SFI1: variants seen among roughly 807,000 people sequenced by gnomAD.
SFI1 encodes protein SFI1 homolog.
A neutral mutation model predicts 207.5 loss-of-function variants in SFI1; 195 were observed. The observed-to-expected ratio is 0.94, with a 90% confidence interval of 0.84 to 1.06. The LOEUF is 1.06. Among genes scored for constraint, SFI1 ranks in the 50% least tolerant of loss-of-function variants. The pLI is 0.00. For missense variants in SFI1, 1,634 were observed against 1,588.0 expected (o/e 1.03, Z -0.49); for synonymous variants, 630 against 598.9 (o/e 1.05, Z -0.76).
chr22:31,570,363 C>A (rs565013670), intron 8 of SFI1, among the ~76,000 whole-genome samples: 1 of 152,254 alleles, frequency 6.6e-6, no homozygotes, highest in Admixed American at 6.5e-5. Flanking sequence ...GCAGTTGGAA[C>A]AATGGAGTGC....
chr22:31,603,522 A>G (rs148539317), intron 17 of SFI1, among the ~76,000 whole-genome samples: 122 of 152,330 alleles, frequency 8.0e-4, no homozygotes, highest in African/African-American at 2.9e-3. Context: ...ACACCTGCAC[A>G]TGTGAGCTTC....
chr22:31,517,513 G>T (rs1412342794), intron 2 of SFI1, among the ~76,000 whole-genome samples: 1 of 152,170 alleles, frequency 6.6e-6, no homozygotes, highest in African/African-American at 2.4e-5. Flanking sequence ...CTCCCAAAGT[G>T]CTGGGATTAC....
At chr22:31,594,879 TAGAA>T (rs1249762877) in intron 15 of SFI1, among the ~76,000 whole-genome samples, 11 of 143,372 alleles carry the variant, frequency 7.7e-5, no homozygotes, top group Non-Finnish European at 9.2e-5. Context: ...AAAAAAAAAT[TAGAA>T]AGCTCAAGGA....
intron 8 of SFI1, among the ~76,000 whole-genome samples, chr22:31,564,225 G>A (rs192158534): frequency 0.013 from 1,913 of 151,122 alleles, 40 homozygotes; most frequent in African/African-American, 0.044. Flanking sequence ...TACTCAGGAG[G>A]CTGAGGCAGG....
At chr22:31,559,295 C>T (rs1389287169) in intron 7 of SFI1, among the ~76,000 whole-genome samples, 10 of 151,872 alleles carry the variant, frequency 6.6e-5, no homozygotes, top group Admixed American at 5.9e-4. Context: ...TGATGGTGCA[C>T]GCCTATAATC....
chr22:31,530,511 A>AAAAAAAAAAAAAC (rs1569229057), intron 3 of SFI1: 1 of 329,386 alleles, frequency 3.0e-6, no homozygotes, highest in African/African-American at 2.2e-5. Context: ...AAAAAAAAAA[A>AAAAAAAAAAAAAC]AAGACAAGCC....
chr22:31,568,899 T>A (rs2062675500), intron 8 of SFI1, among the ~76,000 whole-genome samples: 1 of 152,124 alleles, frequency 6.6e-6, no homozygotes, highest in Admixed American at 6.6e-5. Context: ...ATTGAAAACA[T>A]CAAATACATA....
chr22:31,525,423 A>T (rs1388114153), intron 2 of SFI1, among the ~76,000 whole-genome samples: 1 of 152,034 alleles, frequency 6.6e-6, no homozygotes, highest in Non-Finnish European at 1.5e-5. Context: ...ATGTTCTTGG[A>T]GCCTTTGTCA....
intron 3 of SFI1, 130 bp from the exon 4 acceptor site, chr22:31,530,928 A>C: frequency 2.9e-6 from 2 of 680,460 alleles, no homozygotes; most frequent in Non-Finnish European, 5.1e-6. Flanking sequence ...ATTAGCTATG[A>C]TACCGCCTTT....
At chr22:31,613,057 G>GAGGGACGAGCTGGGC (rs1341614437) in intron 24 of SFI1, 85 bp from the exon 25 acceptor site, 2 of 1,455,894 alleles carry the variant, frequency 1.4e-6, no homozygotes, top group African/African-American at 2.8e-5. Context: ...AGGGAGCCAA[G>GAGGGACGAGCTGGGC]AGGGACGAGC....
intron 27 of SFI1, 172 bp from the exon 28 acceptor site, chr22:31,614,617 T>C (rs2071036402): frequency 4.1e-6 from 3 of 737,618 alleles, no homozygotes; most frequent in Non-Finnish European, 7.3e-6. Flanking sequence ...GTACCTTTTG[T>C]CGGAACTGCT....
chr22:31,537,401 T>TA (rs1268239544), intron 4 of SFI1, among the ~76,000 whole-genome samples: 2 of 152,204 alleles, frequency 1.3e-5, no homozygotes, highest in Non-Finnish European at 2.9e-5. Flanking sequence ...AGTGGATACT[T>TA]ACGAGAAAAA....
chr22:31,567,774 A>T (rs2062474629), intron 8 of SFI1, among the ~76,000 whole-genome samples: 1 of 152,226 alleles, frequency 6.6e-6, no homozygotes, highest in Non-Finnish European at 1.5e-5. Flanking sequence ...AAGAGTAAAT[A>T]AAAAAACAAT....
At chr22:31,589,400 A>T (rs779885487) in intron 14 of SFI1, 47 bp from the exon 15 acceptor site, 14 of 766,766 alleles carry the variant, frequency 1.8e-5, no homozygotes, top group South Asian at 1.0e-4. Context: ...GGTCATGTTT[A>T]AAAAAAAAAA....
intron 14 of SFI1, among the ~76,000 whole-genome samples, chr22:31,588,298 TGGCCTTGGG>T (rs2065306623): frequency 6.6e-6 from 1 of 152,234 alleles, no homozygotes; most frequent in African/African-American, 2.4e-5. Flanking sequence ...TACAGCATGG[TGGCCTTGGG>T]GTAGTCAGCT....
chr22:31,544,170 T>TA (rs1569265675), intron 4 of SFI1, among the ~76,000 whole-genome samples: 1 of 152,140 alleles, frequency 6.6e-6, no homozygotes, highest in Admixed American at 6.6e-5. Context: ...GCTTGGGTGA[T>TA]ATAGCAAGAC....
At chr22:31,603,693 T>A in intron 17 of SFI1, 51 bp from the exon 18 acceptor site, 1 of 1,397,738 alleles carries the variant, frequency 7.2e-7, no homozygotes, top group Non-Finnish European at 9.5e-7. Flanking sequence ...CCATAGAGGG[T>A]GCCCTCACTG....
intron 22 of SFI1, among the ~76,000 whole-genome samples, chr22:31,609,703 A>T (rs1192210428): frequency 6.6e-6 from 1 of 152,234 alleles, no homozygotes; most frequent in African/African-American, 2.4e-5. Context: ...TTACTGCGCC[A>T]CGAATGTGCT....
rs202212374 is a variant in SFI1 at position 31,613,744 on chromosome 22, G to A, written c.2885G>A (p.Arg962His). The change falls in exon 27 of 33, where the codon CGC becomes CAC. Residue 962 changes from arginine to histidine, a missense_variant. Coordinates refer to ENST00000400288, the MANE Select transcript of SFI1 (RefSeq NM_001007467.3). ...KVTFEGPLLN[R>H]IAAGAGDGTL... ...ACGTTTGAGGGTCCCCTTCTCAACC[G>A]CATTGCTGCTGGGGCTGGGGATGGC... is the stretch of plus-strand genomic sequence containing the variant. 387 of 1,613,084 alleles carry A rather than the reference G, an allele frequency of 2.4e-4. No homozygotes were observed. The highest frequency in any genetic ancestry group is 5.0e-4 in the Middle Eastern group (3 of 6,022).
Sources: gnomAD v4.1 joint callset for allele counts (sites outside exome capture counted in the v4.1 genomes callset) on GRCh38, gnomAD v4.1.1 for gene constraint, MANE v1.5 for transcripts, NCBI Gene and HGNC (gene_info 2026-07-23, HGNC 2026-07-21) for gene names.